The following PLA2G4A variants were observed in gnomAD, a reference collection of about 807,000 sequenced individuals.
PLA2G4A encodes the protein phospholipase A2 group IVA.
In PLA2G4A, 40 loss-of-function variants were observed where a neutral mutation model predicts 81.9. That is an observed-to-expected ratio of 0.49 (90% CI 0.38 to 0.64). The LOEUF (loss-of-function observed/expected upper bound fraction) is 0.64, where lower values mean the gene tolerates loss of function less well. PLA2G4A is among the 30% of genes least tolerant of loss of function. PLA2G4A has a pLI of 0.00. For synonymous variants in PLA2G4A, 302 were observed against 296.9 expected, an observed-to-expected ratio of 1.02 and a Z score of -0.18; for missense variants, 715 against 905.1, an observed-to-expected ratio of 0.79 and a Z score of 2.69.
At chr1:186,941,173 G>C (rs995695769) in intron 10 of PLA2G4A, among the ~76,000 whole-genome samples, 1 of 150,488 alleles carries the variant, frequency 6.6e-6, no homozygotes, top group Non-Finnish European at 1.5e-5. Flanking sequence ...GTCAGTGTTA[G>C]TCTGCAGCAC....
intron 15 of PLA2G4A, among the ~76,000 whole-genome samples, chr1:186,966,681 G>A (rs534050735): frequency 2.6e-5 from 4 of 152,190 alleles, no homozygotes; most frequent in Admixed American, 2.0e-4. Flanking sequence ...AAATAAACAC[G>A]CTTTGTTCCC....
In PLA2G4A at chr1:186,979,425, A is replaced by G. The variant is rs1657642925; in HGVS notation, c.2071A>G (p.Lys691Glu). ...TTTTCAATATCCAAATCAAGCATTC[A>G]AAAGACTACATGATCTTATGCACTT... ...FNFQYPNQAFKRLHDLMHFNT... is the reference protein window; with the variant it reads ...FNFQYPNQAFERLHDLMHFNT... Residue 691 changes from lysine (K) to glutamate (E), a missense_variant, in exon 17 of 18, where the codon AAA (lysine) becomes GAA (glutamate). By Grantham distance (56) the Lys-to-Glu change is moderately conservative. Coordinates refer to ENST00000367466, the MANE Select transcript of PLA2G4A (RefSeq NM_024420.3). The G allele has an allele frequency of 6.2e-7, 1 of 1,602,588 alleles. No homozygotes were observed. The highest frequency in any genetic ancestry group is 8.6e-7 in the Non-Finnish European group (1 of 1,169,408).
chr1:186,909,450 C>G (rs890188422), intron 6 of PLA2G4A, among the ~76,000 whole-genome samples: 2 of 151,146 alleles, frequency 1.3e-5, no homozygotes, highest in Non-Finnish European at 1.5e-5. Flanking sequence ...TACCCGAGGT[C>G]AGGAGTTCCA....
Position 186,960,459 on chromosome 1 carries a change from G to T in PLA2G4A, c.1579+4115G>T, listed in dbSNP as rs187199733. Among the ~76,000 whole-genome samples, 5 of 152,276 alleles carry T rather than the reference G, an allele frequency of 3.3e-5. No individual in the cohort carries two copies. In the East Asian group the frequency reaches 9.6e-4, roughly 29 times the overall value. ...ATTCACACGTTTAGAAACCTTGTAC[G>T]TTTTAAATTGTAGGAGGATATTCTT... On this transcript the variant is annotated intron_variant, in intron 14 of 17. Coordinates refer to ENST00000367466, the MANE Select transcript of PLA2G4A (RefSeq NM_024420.3).
intron 10 of PLA2G4A, 35 bp downstream of exon 10, chr1:186,940,129 A>G (rs1422165381): frequency 8.9e-7 from 1 of 1,117,890 alleles, no homozygotes; most frequent in Non-Finnish European, 1.4e-6. Flanking sequence ...ACTTCCTGGA[A>G]CCTCTGAATT....
chr1:186,869,866 T>C (rs1380238307), intron 2 of PLA2G4A, among the ~76,000 whole-genome samples: 1 of 152,212 alleles, frequency 6.6e-6, no homozygotes, highest in African/African-American at 2.4e-5. Context: ...CCTGTTAATG[T>C]TTTATTATGT....
At chr1:186,938,943 C>T in intron 8 of PLA2G4A, 65 bp from the exon 9 acceptor site, 2 of 870,908 alleles carry the variant, frequency 2.3e-6, no homozygotes, top group Admixed American at 3.4e-5. Context: ...AGTGTGCCTT[C>T]TTTCTTTGGA....
chr1:186,833,016 T>C (rs1003969224), intron 1 of PLA2G4A, among the ~76,000 whole-genome samples: 1 of 151,976 alleles, frequency 6.6e-6, no homozygotes, highest in Non-Finnish European at 1.5e-5. Context: ...ACCTGGAGGG[T>C]TCAGAGATGA....
intron 15 of PLA2G4A, among the ~76,000 whole-genome samples, chr1:186,967,883 A>T (rs957274924): frequency 6.6e-6 from 1 of 152,100 alleles, no homozygotes; most frequent in African/African-American, 2.4e-5. Context: ...ATGAAATTGG[A>T]ATTTTAGGAT....
chr1:186,914,938 C>T (rs1340668743), intron 7 of PLA2G4A, among the ~76,000 whole-genome samples: 1 of 152,118 alleles, frequency 6.6e-6, no homozygotes, highest in African/African-American at 2.4e-5. Flanking sequence ...TCATATAGTA[C>T]ACTTGTGCTG....
At chr1:186,900,244 CT>C (rs1296215857) in intron 5 of PLA2G4A, among the ~76,000 whole-genome samples, 3 of 152,266 alleles carry the variant, frequency 2.0e-5, no homozygotes, top group Admixed American at 1.3e-4. Context: ...TCTTTTCTGC[CT>C]TTGCCGTGCA....
chr1:186,842,648 C>T (rs550037608), intron 1 of PLA2G4A, among the ~76,000 whole-genome samples: 4 of 152,162 alleles, frequency 2.6e-5, no homozygotes, highest in African/African-American at 9.7e-5. Flanking sequence ...TGAACACACA[C>T]AGACACCAGG....
chr1:186,988,461 G>A lies in PLA2G4A; in HGVS notation c.2203G>A (p.Ala735Thr), dbSNP rs760036063. ...CTCTGTTTCCCTTAGTAATGTTGAG[G>A]CAAGAAGATTTTTCAACAAGGAGTT... ...RCSVSLSNVE[A>T]RRFFNKEFLS... Residue 735 changes from alanine (A) to threonine (T), a missense_variant, in exon 18 of 18, where the codon GCA becomes ACA. Physicochemically the swap from Ala to Thr is moderately conservative, Grantham distance 58. Coordinates refer to ENST00000367466, the MANE Select transcript of PLA2G4A (RefSeq NM_024420.3). 7 of 1,611,506 alleles carry A rather than the reference G, an allele frequency of 4.3e-6. No homozygotes were observed. In the South Asian group the frequency reaches 5.5e-5, roughly 13 times the overall value.
intron 14 of PLA2G4A, among the ~76,000 whole-genome samples, chr1:186,960,235 A>T (rs771158281): frequency 6.6e-6 from 1 of 152,196 alleles, no homozygotes; most frequent in Non-Finnish European, 1.5e-5. Flanking sequence ...ACTTACTGTG[A>T]CACACCATCT....
intron 17 of PLA2G4A, among the ~76,000 whole-genome samples, chr1:186,987,557 T>TCTGAAG (rs1657930170): frequency 6.6e-6 from 1 of 152,192 alleles, no homozygotes; most frequent in African/African-American, 2.4e-5. Flanking sequence ...TTAACAAGGT[T>TCTGAAG]CTGAAGCAGA....
chr1:186,951,971 G>A (rs904597232), intron 13 of PLA2G4A, among the ~76,000 whole-genome samples: 4 of 152,148 alleles, frequency 2.6e-5, no homozygotes, highest in Non-Finnish European at 4.4e-5. Context: ...TCATTAAGCA[G>A]GAACCCCAAA....
intron 7 of PLA2G4A, among the ~76,000 whole-genome samples, chr1:186,911,822 T>C (rs1002528221): frequency 1.1e-4 from 16 of 152,112 alleles, no homozygotes; most frequent in Admixed American, 2.0e-4. Flanking sequence ...AGTCCCACGA[T>C]ATGCTTTCTG....
rs1656087628 is a variant in PLA2G4A at position 186,939,877 on chromosome 1, T to C, written c.919-103T>C. 4.4e-6 allele frequency: 3 copies of C among 679,546 alleles called. No homozygotes were observed. The East Asian group carries it at 8.2e-5, about 19-fold the overall frequency. 42.1% of individuals were successfully genotyped at this position (679,546 alleles called of 1,614,324 possible). A position where few individuals can be genotyped will look rare whatever the true frequency, so the allele number is the denominator to read the frequency against. On this transcript the variant is annotated intron_variant, in intron 9 of 17. Transcript: ENST00000367466. ...CTAGAAGTAATAAGACTTATTTTTA[T>C]TATAAAGTTATAAGATTTTGATTGG...
At position 186,862,737 on chromosome 1, in the gene PLA2G4A, A is replaced by G. The variant is rs115746097; in HGVS notation, c.34-7698A>G. On this transcript the variant is annotated intron_variant, in intron 2 of 17. Transcript: ENST00000367466. Reference sequence around the variant, plus strand: ...ATATCATCTAGGGCAGTAATTCTAAACCAAATAAATATGACTTCCCCAAAG... The same window carrying G: ...ATATCATCTAGGGCAGTAATTCTAAGCCAAATAAATATGACTTCCCCAAAG... 3.2e-3 allele frequency among the ~76,000 whole-genome samples: 483 copies of G among 152,300 alleles called. 4 individuals are homozygous for G. The highest frequency in any genetic ancestry group is 0.011 in the African/African-American group (459 of 41,570).
Sources: allele counts gnomAD v4.1 joint callset (sites outside exome capture counted in the v4.1 genomes callset), GRCh38; gene constraint gnomAD v4.1.1; transcripts MANE v1.5; gene names NCBI Gene and HGNC (gene_info 2026-07-23, HGNC 2026-07-21).